The following FMN2 variants were observed in gnomAD, a reference collection of about 807,000 sequenced individuals.
FMN2 encodes formin 2, also known as formin-2.
Under a neutral mutation model 142.3 loss-of-function variants are expected in FMN2, and 51 were observed. The observed-to-expected ratio is 0.36, with a 90% CI of 0.29 to 0.45. The LOEUF (loss-of-function observed/expected upper bound fraction) is 0.45, where lower values mean the gene tolerates loss of function less well. FMN2 is among the 20% of genes least tolerant of loss of function. The probability of loss-of-function intolerance (pLI) is 1.00; values close to 1 mark genes in which losing one functional copy is unlikely to be tolerated. For missense variants in FMN2, 1,936 were observed against 2,122.8 expected (o/e 0.91, Z 1.73); for synonymous variants, 882 against 869.8 (o/e 1.01, Z -0.25).
intron 1 of FMN2, among the ~76,000 whole-genome samples, chr1:240,100,407 T>A (rs1186814824): frequency 1.3e-5 from 2 of 152,250 alleles, no homozygotes; most frequent in African/African-American, 4.8e-5. Flanking sequence ...AAAAATGTAC[T>A]GCCTGTGACT....
At chr1:240,471,541 AT>A (rs1359548588) in intron 16 of FMN2, 5 of 151,856 alleles carry the variant, frequency 3.3e-5, no homozygotes, top group East Asian at 1.9e-4. Context: ...CACCCAGCTA[AT>A]TTTTTTTGTA....
rs550769749 is a variant in FMN2, at chr1:240,187,214, G to A, written c.1931-993G>A. Among the ~76,000 whole-genome samples, 26 of 143,534 alleles carry A rather than the reference G, an allele frequency of 1.8e-4. No homozygotes were observed. In the East Asian group the frequency reaches 5.2e-3, roughly 29 times the overall value. 94.2% of individuals were successfully genotyped at this position (143,534 alleles called of 152,430 possible). A position where few individuals can be genotyped will look rare whatever the true frequency, so the allele number is the denominator to read the frequency against. ...GAACCCAGGAGGCGGAGGTTGCAGT[G>A]AGCCAAGATCGCGCCGTTGCACTCC... On this transcript the variant is annotated intron_variant, in intron 3 of 17. Transcript: ENST00000319653.
At chr1:240,416,634 T>G (rs994776118) in intron 15 of FMN2, among the ~76,000 whole-genome samples, 19 of 152,170 alleles carry the variant, frequency 1.2e-4, no homozygotes, top group African/African-American at 4.6e-4. Context: ...ATGTCCCTTG[T>G]TGATATTTAT....
rs377689682 is a variant in FMN2 at position 240,257,517 on chromosome 1, C to T, written c.4066-428C>T. ...TCTCTATGTGTGTACTTTTATTTTG[C>T]GCTTCACTTGCTGACGTGTTTGAAG... is the stretch of plus-strand genomic sequence containing the variant. On this transcript the variant is annotated intron_variant, in intron 6 of 17. Coordinates refer to ENST00000319653, the MANE Select transcript of FMN2 (RefSeq NM_020066.5). Among the ~76,000 whole-genome samples, 10 of 152,120 alleles carry T rather than the reference C, an allele frequency of 6.6e-5. No individual in the cohort carries two copies. The South Asian group carries it at 8.3e-4, about 13-fold the overall frequency.
chr1:240,430,871 A>C (rs900048116), intron 15 of FMN2, among the ~76,000 whole-genome samples: 7 of 151,956 alleles, frequency 4.6e-5, no homozygotes, highest in Non-Finnish European at 5.9e-5. Flanking sequence ...TTGAAATCAG[A>C]CAATGTAAGT....
At chr1:240,159,654 CAG>C (rs1001141723) in intron 2 of FMN2, among the ~76,000 whole-genome samples, 13 of 152,074 alleles carry the variant, frequency 8.5e-5, no homozygotes, top group Non-Finnish European at 1.5e-5. Flanking sequence ...AAGCTCAGAA[CAG>C]AGTGTGGGGA....
chr1:240,093,398 A>G lies in FMN2; in HGVS notation c.1289A>G (p.Asn430Ser), dbSNP rs201430864. The G allele has an allele frequency of 4.5e-5, 73 of 1,612,948 alleles. No individual in the cohort carries two copies. The highest frequency in any genetic ancestry group is 5.8e-5 in the Non-Finnish European group (68 of 1,179,608). ...KTTTRQLSSP[N>S]HSPSQSPNQS... is the part of the protein sequence containing the mutation. The stretch of plus-strand genomic sequence containing the variant: ...ACCACCCGGCAGCTCAGCTCGCCCA[A>G]TCACTCCCCGTCTCAGTCCCCTAAT... The change falls in exon 1 of 18, where the codon AAT becomes AGT. Residue 430 changes from asparagine to serine, a missense_variant. Around this residue, in one of 8 missense-constraint regions of FMN2, gnomAD observed 751 missense variants for 791.8 expected, o/e 0.95. Transcript: ENST00000319653.
At chr1:240,187,006 C>T (rs1225060920) in intron 3 of FMN2, among the ~76,000 whole-genome samples, 1 of 151,734 alleles carries the variant, frequency 6.6e-6, no homozygotes, top group African/African-American at 2.4e-5. Flanking sequence ...GTGGCTCATG[C>T]CTGTCATCCC....
chr1:240,111,575 C>T (rs1661808573), intron 1 of FMN2, among the ~76,000 whole-genome samples: 1 of 152,030 alleles, frequency 6.6e-6, no homozygotes, highest in Admixed American at 6.6e-5. Context: ...ATGAGGATGA[C>T]CAGAGGTCAC....
At position 240,213,858 on chromosome 1, in the gene FMN2, C is replaced by T. The variant is rs145175417; in HGVS notation, c.4065+2623C>T. Among the ~76,000 whole-genome samples, 1,286 of 152,282 alleles carry T rather than the reference C, an allele frequency of 8.4e-3. 7 individuals carry two copies. Among genetic ancestry groups the T allele is most frequent in the Middle Eastern group, 0.024 (7 of 294 alleles). ...AACGAGGTGCCTGTGCTGTTTTTAC[C>T]GTCATGGCAGAGACGTTTTCAGTGT... On this transcript the variant is annotated intron_variant, in intron 6 of 17. Transcript: ENST00000319653.
At chr1:240,463,832 G>A (rs567589453) in intron 16 of FMN2, among the ~76,000 whole-genome samples, 4 of 151,906 alleles carry the variant, frequency 2.6e-5, no homozygotes, top group Admixed American at 6.6e-5. Flanking sequence ...GTGAAGCCCC[G>A]TCTCTAGTTA....
intron 2 of FMN2, among the ~76,000 whole-genome samples, chr1:240,137,811 G>T (rs906029215): frequency 1.3e-5 from 2 of 152,044 alleles, no homozygotes; most frequent in Non-Finnish European, 2.9e-5. Flanking sequence ...TGGTACTGTG[G>T]CCAGGGGCGG....
chr1:240,292,989 G>T (rs943240324), intron 7 of FMN2, among the ~76,000 whole-genome samples: 5 of 152,156 alleles, frequency 3.3e-5, no homozygotes, highest in African/African-American at 1.2e-4. Context: ...TTTCCAGTGA[G>T]ATTTTCTGTG....
At chr1:240,174,603 C>G (rs1454662743) in intron 2 of FMN2, among the ~76,000 whole-genome samples, 1 of 152,208 alleles carries the variant, frequency 6.6e-6, no homozygotes, top group East Asian at 1.9e-4. Context: ...TGGGCTCAAG[C>G]AATTTACCTG....
chr1:240,096,181 T>C (rs1661189361), intron 1 of FMN2, among the ~76,000 whole-genome samples: 1 of 152,200 alleles, frequency 6.6e-6, no homozygotes. Context: ...GAATCAAGTC[T>C]AATGTCATTA....
At position 240,170,964 on chromosome 1, in the gene FMN2, C is replaced by A. The variant is rs1013655731; in HGVS notation, c.1783-6957C>A. The stretch of plus-strand genomic sequence containing the variant: ...GGACTGATGGAGGAGTGGACTACTC[C>A]TTTGAATGTATTAGGAATGTCAAGG... On this transcript the variant is annotated intron_variant, in intron 2 of 17. Transcript: ENST00000319653. 2.0e-5 allele frequency: 16 copies of A among 791,502 alleles called. No individual in the cohort carries two copies. The African/African-American group carries it at 2.4e-4, about 12-fold the overall frequency. The allele number at this position is 791,502 out of a possible 1,614,324, so 49.0% of individuals were successfully genotyped here.
At chr1:240,272,427 T>G (rs2102922461) in intron 7 of FMN2, among the ~76,000 whole-genome samples, 1 of 152,304 alleles carries the variant, frequency 6.6e-6, no homozygotes, top group African/African-American at 2.4e-5. Context: ...ACTGTTATTT[T>G]GGGGCAAGGG....
intron 3 of FMN2, among the ~76,000 whole-genome samples, chr1:240,182,398 C>A (rs1265682156): frequency 3.9e-5 from 6 of 151,974 alleles, no homozygotes; most frequent in Non-Finnish European, 5.9e-5. Flanking sequence ...ACAGAAAATC[C>A]TAGAAGAAAA....
chr1:240,196,477 A>C (rs1215835029), intron 4 of FMN2, among the ~76,000 whole-genome samples: 1 of 152,108 alleles, frequency 6.6e-6, no homozygotes, highest in Non-Finnish European at 1.5e-5. Context: ...GAAACTGTGG[A>C]GGTGGGGCCC....
Sources: gnomAD v4.1 joint callset for allele counts (sites outside exome capture counted in the v4.1 genomes callset) on GRCh38, gnomAD v4.1.1 for gene constraint, gnomAD v4.1.1 regional missense constraint, MANE v1.5 for transcripts, NCBI Gene and HGNC (gene_info 2026-07-23, HGNC 2026-07-21) for gene names.